Variants in ERCC6L2 observed in about 807,000 individuals in gnomAD.
ERCC6L2 encodes the protein DNA excision repair protein ERCC-6-like 2.
A neutral mutation model predicts 132.0 loss-of-function variants in ERCC6L2; 77 were observed. The observed-to-expected ratio is 0.58, with a 90% confidence interval of 0.49 to 0.71. The LOEUF is 0.71. Ranked by LOEUF, ERCC6L2 falls within the 30% of genes least tolerant of loss-of-function variation. ERCC6L2 has a pLI of 0.00. For missense variants in ERCC6L2, 1,542 were observed against 1,837.6 expected, an observed-to-expected ratio of 0.84 and a Z score of 2.94; for synonymous variants, 583 against 632.4, an observed-to-expected ratio of 0.92 and a Z score of 1.17.
intron 3 of ERCC6L2, among the ~76,000 whole-genome samples, chr9:95,903,268 T>A (rs562591626): frequency 6.6e-6 from 1 of 152,222 alleles, no homozygotes; most frequent in Admixed American, 6.5e-5. Context: ...AAAATTAAAC[T>A]CATTTCTATT....
intron 9 of ERCC6L2, among the ~76,000 whole-genome samples, chr9:95,923,889 C>T (rs1409214969): frequency 1.9e-4 from 29 of 152,142 alleles, no homozygotes; most frequent in Admixed American, 1.9e-3. Flanking sequence ...TTGTCATACA[C>T]AGGAAAATTG....
chr9:95,927,756 A>G (rs1830163549), intron 9 of ERCC6L2, among the ~76,000 whole-genome samples: 1 of 152,184 alleles, frequency 6.6e-6, no homozygotes. Flanking sequence ...AGGTATAAAG[A>G]AAGTGTATTT....
chr9:95,982,058 G>A (rs1249108946), intron 17 of ERCC6L2, among the ~76,000 whole-genome samples: 2 of 152,124 alleles, frequency 1.3e-5, no homozygotes, highest in East Asian at 3.8e-4. Flanking sequence ...TTAATCCCTT[G>A]AATTGGATGA....
At position 95,966,602 on chromosome 9, in the gene ERCC6L2, G is replaced by A. The variant is rs746875051; in HGVS notation, c.1988G>A (p.Arg663Gln). 1 of 1,529,010 alleles carries A rather than the reference G, an allele frequency of 6.5e-7. No individual in the cohort carries two copies. The highest frequency in any genetic ancestry group is 2.3e-5 in the East Asian group (1 of 43,534). 94.7% of individuals were successfully genotyped at this position (1,529,010 alleles called of 1,614,324 possible). A position where few individuals can be genotyped will look rare whatever the true frequency, so the allele number is the denominator to read the frequency against. ...GTGGTTGGAAGTGAAAATGCCAAAC[G>A]ATATTTTGAAGCAGTTCAAGGATCT... ...CVVVGSENAK[R>Q]YFEAVQGSKE... Residue 663 changes from arginine to glutamine, a missense_variant, in exon 14 of 19, where the codon CGA becomes CAA. Transcript: ENST00000653738.
chr9:95,992,796 C>T (rs2133163491), intron 17 of ERCC6L2, among the ~76,000 whole-genome samples: 1 of 152,262 alleles, frequency 6.6e-6, no homozygotes. Context: ...ACACAGGCAG[C>T]AGTGGGTGCC....
chr9:95,927,246 TTGAG>T lies in ERCC6L2; in HGVS notation c.1534-831_1534-828del, dbSNP rs1450655021. ...AAGTTAGCACAATAGCTTCTCTTGA[TTGAG>T]TAAGTGTTATATTGAGTATTTTTTT... is the stretch of plus-strand genomic sequence containing the variant. On this transcript the variant is annotated intron_variant, in intron 9 of 18. Transcript: ENST00000653738. 1.2e-4 allele frequency among the ~76,000 whole-genome samples: 19 copies of T among 152,234 alleles called. No homozygotes were observed. In the East Asian group the frequency reaches 2.1e-3, roughly 17 times the overall value.
At chr9:96,037,494 A>G (rs979796883) in intron 19 of ERCC6L2, among the ~76,000 whole-genome samples, 1 of 152,234 alleles carries the variant, frequency 6.6e-6, no homozygotes, top group Admixed American at 6.5e-5. Flanking sequence ...AAATTAACTG[A>G]TTGGTCATAT....
chr9:95,891,877 C>G (rs1398889109), intron 2 of ERCC6L2, among the ~76,000 whole-genome samples: 1 of 151,760 alleles, frequency 6.6e-6, no homozygotes, highest in Non-Finnish European at 1.5e-5. Flanking sequence ...AAGTCTTTTG[C>G]CTGTTTTTTA....
At chr9:95,941,393 T>C in intron 11 of ERCC6L2, 61 bp from the exon 12 acceptor site, 1 of 1,234,368 alleles carries the variant, frequency 8.1e-7, no homozygotes, top group Non-Finnish European at 1.2e-6. Context: ...ACAGTTGAGT[T>C]ATAGCACAAC....
chr9:96,001,896 G>A (rs914289116), intron 17 of ERCC6L2, among the ~76,000 whole-genome samples: 5 of 152,352 alleles, frequency 3.3e-5, no homozygotes, highest in African/African-American at 4.8e-5. Context: ...GCGAGAAATC[G>A]AGCGTAGCAC....
downstream of ERCC6L2, among the ~76,000 whole-genome samples, chr9:96,022,450 T>C (rs1169180235): frequency 6.6e-6 from 1 of 152,184 alleles, no homozygotes; most frequent in Non-Finnish European, 1.5e-5. Context: ...ACAACGCTTC[T>C]GGGCCGGTAT....
At chr9:95,989,558 A>G (rs1264943052) in intron 17 of ERCC6L2, among the ~76,000 whole-genome samples, 3 of 152,262 alleles carry the variant, frequency 2.0e-5, no homozygotes, top group African/African-American at 7.2e-5. Context: ...TAGTGCAATA[A>G]AAATACATGG....
chr9:95,966,203 C>A (rs928387627), intron 13 of ERCC6L2, among the ~76,000 whole-genome samples: 1 of 152,050 alleles, frequency 6.6e-6, no homozygotes, highest in African/African-American at 2.4e-5. Context: ...TTACTTCTGC[C>A]AGTTTTAGTA....
At position 96,015,019 on chromosome 9, in the gene ERCC6L2, T is replaced by TG. The variant is rs1564306569; in HGVS notation, c.*1816_*1817insG. ...TATAGTCTTCATATATGTACAGTTT[T>TG]TTTTTTTTTTTTTTTTTTTTTGAGA... is the stretch of plus-strand genomic sequence containing the variant. On this transcript the variant is annotated 3_prime_UTR_variant, in exon 19 of 19. Coordinates refer to ENST00000653738, the MANE Select transcript of ERCC6L2 (RefSeq NM_020207.7). 8.4e-6 allele frequency among the ~76,000 whole-genome samples: 1 copy of TG among 118,924 alleles called. No individual in the cohort carries two copies. 78.0% of individuals were successfully genotyped at this position (118,924 alleles called of 152,430 possible). A position where few individuals can be genotyped will look rare whatever the true frequency, so the allele number is the denominator to read the frequency against.
At chr9:96,024,265 C>T (rs1227758901) in intron 19 of ERCC6L2, among the ~76,000 whole-genome samples, 2 of 152,204 alleles carry the variant, frequency 1.3e-5, no homozygotes, top group Non-Finnish European at 2.9e-5. Context: ...TTCCTTTCTC[C>T]ACCCTTTAGC....
intron 17 of ERCC6L2, among the ~76,000 whole-genome samples, chr9:95,986,941 G>A (rs1455521121): frequency 6.6e-6 from 1 of 152,172 alleles, no homozygotes; most frequent in Non-Finnish European, 1.5e-5. Flanking sequence ...CATGGTGGAA[G>A]GTGAAAGTCA....
chr9:95,911,380 T>G (rs1829331804), intron 4 of ERCC6L2, among the ~76,000 whole-genome samples: 1 of 152,174 alleles, frequency 6.6e-6, no homozygotes, highest in Admixed American at 6.5e-5. Flanking sequence ...TCTCAGTACT[T>G]TTAGCACATA....
chr9:95,947,577 A>G (rs1012678060), intron 12 of ERCC6L2, among the ~76,000 whole-genome samples: 2 of 152,226 alleles, frequency 1.3e-5, no homozygotes, highest in Non-Finnish European at 1.5e-5. Flanking sequence ...ACTTTCAATG[A>G]GAACAAAACA....
chr9:95,941,356 G>A (rs192970815), intron 11 of ERCC6L2, 98 bp from the exon 12 acceptor site: 37 of 743,650 alleles, frequency 5.0e-5, no homozygotes, highest in African/African-American at 3.5e-4. Flanking sequence ...ATGCAATATC[G>A]TACTGTTTTG....
Sources: gnomAD v4.1 joint callset for allele counts (sites outside exome capture counted in the v4.1 genomes callset) on GRCh38, gnomAD v4.1.1 for gene constraint, MANE v1.5 for transcripts, NCBI Gene and HGNC (gene_info 2026-07-23, HGNC 2026-07-21) for gene names.